Variants in UNC5C observed in about 807,000 individuals in gnomAD.
The protein encoded by UNC5C is unc-5 netrin receptor C, also known as netrin receptor UNC5C.
In UNC5C, 47 loss-of-function variants were observed where a neutral mutation model predicts 99.8. The observed-to-expected ratio is 0.47, with a 90% CI of 0.37 to 0.60. The LOEUF (loss-of-function observed/expected upper bound fraction) is 0.60, where lower values mean the gene tolerates loss of function less well. UNC5C is among the 20% of genes least tolerant of loss of function. UNC5C has a pLI of 0.00. For synonymous variants in UNC5C, 487 were observed against 452.2 expected (o/e 1.08, Z -0.98); for missense variants, 1,062 against 1,165.9 (o/e 0.91, Z 1.30).
chr4:95,273,499 C>A (rs1245071302), intron 4 of UNC5C, among the ~76,000 whole-genome samples: 1 of 152,130 alleles, frequency 6.6e-6, no homozygotes, highest in Non-Finnish European at 1.5e-5. Context: ...TAGAGTGCTG[C>A]TATTATGCTA....
At chr4:95,302,248 C>A (rs1003924145) in intron 2 of UNC5C, among the ~76,000 whole-genome samples, 6 of 152,142 alleles carry the variant, frequency 3.9e-5, no homozygotes, top group Admixed American at 1.3e-4. Flanking sequence ...CAGATACTAA[C>A]CTTTGTTAAC....
At chr4:95,212,187 AC>A (rs549780641) in intron 10 of UNC5C, among the ~76,000 whole-genome samples, 301 of 152,240 alleles carry the variant, frequency 2.0e-3, no homozygotes, top group African/African-American at 6.9e-3. Flanking sequence ...TTGCCACACT[AC>A]TATCTCACAT....
intron 1 of UNC5C, among the ~76,000 whole-genome samples, chr4:95,353,897 T>C (rs746516319): frequency 5.1e-4 from 77 of 152,250 alleles, no homozygotes; most frequent in South Asian, 3.9e-3. Context: ...AATGTAGAAG[T>C]TATTACTTCA....
chr4:95,508,753 C>T (rs1721991992), intron 1 of UNC5C, among the ~76,000 whole-genome samples: 1 of 151,854 alleles, frequency 6.6e-6, no homozygotes, highest in Admixed American at 6.6e-5. Flanking sequence ...TGAGAATGAG[C>T]TGTATGTTAT....
chr4:95,533,798 T>C (rs1406828816), intron 1 of UNC5C, among the ~76,000 whole-genome samples: 1 of 152,204 alleles, frequency 6.6e-6, no homozygotes, highest in Non-Finnish European at 1.5e-5. Flanking sequence ...CGTGTTTTTA[T>C]TTCAGAAAAC....
intron 2 of UNC5C, among the ~76,000 whole-genome samples, chr4:95,330,233 T>A (rs1743059011): frequency 6.6e-6 from 1 of 152,114 alleles, no homozygotes; most frequent in Non-Finnish European, 1.5e-5. Context: ...ATATTTATAA[T>A]GAGTTGGGTT....
At chr4:95,312,520 A>G (rs1742312607) in intron 2 of UNC5C, among the ~76,000 whole-genome samples, 1 of 152,202 alleles carries the variant, frequency 6.6e-6, no homozygotes, top group Non-Finnish European at 1.5e-5. Context: ...AATCTGCATA[A>G]CAATCCTTGG....
intron 1 of UNC5C, among the ~76,000 whole-genome samples, chr4:95,390,664 CACTT>C (rs1745331702): frequency 6.6e-6 from 1 of 152,132 alleles, no homozygotes; most frequent in Non-Finnish European, 1.5e-5. Context: ...AAGAAGGTGA[CACTT>C]ACATAATGCT....
At chr4:95,503,292 A>T (rs1292234636) in intron 1 of UNC5C, among the ~76,000 whole-genome samples, 2 of 152,044 alleles carry the variant, frequency 1.3e-5, no homozygotes. Flanking sequence ...AGGCCCTAGA[A>T]AGTTGCCGGT....
At chr4:95,262,984 T>C (rs529740546) in intron 4 of UNC5C, among the ~76,000 whole-genome samples, 313 of 152,220 alleles carry the variant, frequency 2.1e-3, no homozygotes, top group African/African-American at 7.2e-3. Context: ...CTGGCTAATT[T>C]TGTATTTTTA....
intron 1 of UNC5C, among the ~76,000 whole-genome samples, chr4:95,366,644 A>G (rs1344234657): frequency 6.6e-6 from 1 of 152,228 alleles, no homozygotes; most frequent in Non-Finnish European, 1.5e-5. Context: ...TAAAATTGCT[A>G]GTTGCAAACC....
chr4:95,367,802 T>TTACC (rs1306843603), intron 1 of UNC5C, among the ~76,000 whole-genome samples: 1 of 152,222 alleles, frequency 6.6e-6, no homozygotes, highest in African/African-American at 2.4e-5. Flanking sequence ...ATCAATTATA[T>TTACC]TACCTACCAT....
chr4:95,399,865 G>T (rs1202004532), intron 1 of UNC5C, among the ~76,000 whole-genome samples: 2 of 152,152 alleles, frequency 1.3e-5, no homozygotes, highest in Non-Finnish European at 2.9e-5. Context: ...ATGGGAGTAG[G>T]ATTTTTGTTT....
chr4:95,240,092 ATT>A (rs1478343270), intron 7 of UNC5C, among the ~76,000 whole-genome samples: 1 of 152,196 alleles, frequency 6.6e-6, no homozygotes, highest in Non-Finnish European at 1.5e-5. Flanking sequence ...TTGAAGGACT[ATT>A]TATTAATGCA....
chr4:95,206,838 G>C, intron 10 of UNC5C, 42 bp from the exon 11 acceptor site: 1 of 1,463,380 alleles, frequency 6.8e-7, no homozygotes, highest in South Asian at 1.4e-5. Context: ...CATTTCCATT[G>C]TATTCATGAA....
intron 1 of UNC5C, among the ~76,000 whole-genome samples, chr4:95,518,881 A>G (rs556874092): frequency 3.3e-5 from 5 of 152,294 alleles, no homozygotes; most frequent in African/African-American, 1.2e-4. Flanking sequence ...TGACTTGGAT[A>G]CCTTGGTACT....
chr4:95,183,981 T>C (rs1292884567), intron 13 of UNC5C, among the ~76,000 whole-genome samples: 2 of 152,304 alleles, frequency 1.3e-5, no homozygotes, highest in African/African-American at 2.4e-5. Flanking sequence ...TTAACTAATA[T>C]CATATTATCA....
At chr4:95,393,439 GAC>G (rs1300927596) in intron 1 of UNC5C, among the ~76,000 whole-genome samples, 2 of 152,090 alleles carry the variant, frequency 1.3e-5, no homozygotes, top group African/African-American at 4.8e-5. Context: ...AGATGATTAT[GAC>G]ACACATACTA....
At chr4:95,445,967 A>AAAAAC (rs1553973633) in intron 1 of UNC5C, among the ~76,000 whole-genome samples, 3 of 139,232 alleles carry the variant, frequency 2.2e-5, no homozygotes, top group African/African-American at 5.1e-5. Flanking sequence ...AGCCTGCAAA[A>AAAAAC]AAAACAAAAC....
Sources: gnomAD v4.1 joint callset for allele counts (sites outside exome capture counted in the v4.1 genomes callset) on GRCh38, gnomAD v4.1.1 for gene constraint, MANE v1.5 for transcripts, NCBI Gene and HGNC (gene_info 2026-07-23, HGNC 2026-07-21) for gene names.